Variants in UBE2G1 observed in about 807,000 individuals in gnomAD.
The protein encoded by UBE2G1 is ubiquitin-conjugating enzyme E2 G1.
UBE2G1 carries 5 observed loss-of-function variants against 22.7 expected under a neutral mutation model. The ratio of observed to expected loss-of-function variants is 0.22; its 90% CI spans 0.12 to 0.46. The LOEUF (loss-of-function observed/expected upper bound fraction) is 0.46, where lower values mean the gene tolerates loss of function less well. Ranked by LOEUF, UBE2G1 falls within the 20% of genes least tolerant of loss-of-function variation. The probability of loss-of-function intolerance (pLI) is 0.99; values close to 1 mark genes in which losing one functional copy is unlikely to be tolerated. For missense variants in UBE2G1, 88 were observed against 203.9 expected, an observed-to-expected ratio of 0.43 and a Z score of 3.46; for synonymous variants, 74 against 67.5, an observed-to-expected ratio of 1.10 and a Z score of -0.47.
At chr17:4,349,513 A>T (rs78997895) in intron 1 of UBE2G1, among the ~76,000 whole-genome samples, 1 of 496 alleles carries the variant, frequency 2.0e-3, no homozygotes, top group African/African-American at 0.017. Context: ...CATTGTTTTT[A>T]AAAAAAAAAC....
chr17:4,273,151 T>C (rs145740849), intron 5 of UBE2G1, among the ~76,000 whole-genome samples: 10 of 152,164 alleles, frequency 6.6e-5, no homozygotes, highest in African/African-American at 2.4e-4. Context: ...CAAGAACACA[T>C]CTACATAAAA....
At chr17:4,290,868 G>A (rs758402263) in intron 3 of UBE2G1, among the ~76,000 whole-genome samples, 1 of 149,930 alleles carries the variant, frequency 6.7e-6, no homozygotes, top group Non-Finnish European at 1.5e-5. Context: ...CAGCCCCTGC[G>A]CTGGCCGACA....
chr17:4,293,963 T>C (rs1969073404), intron 3 of UBE2G1, among the ~76,000 whole-genome samples: 1 of 152,242 alleles, frequency 6.6e-6, no homozygotes, highest in Admixed American at 6.5e-5. Flanking sequence ...GTGTAATCTT[T>C]CAAGAAGGAA....
At chr17:4,283,013 G>A (rs111259184) in intron 4 of UBE2G1, 92 bp from the exon 5 acceptor site, 1 of 1,098,944 alleles carries the variant, frequency 9.1e-7, no homozygotes. Context: ...TAATCCCTTG[G>A]TGATTTGTAC....
Position 4,271,805 on chromosome 17 carries a change from C to A in UBE2G1, c.*749G>T, listed in dbSNP as rs111270473. On this transcript the variant is annotated 3_prime_UTR_variant, in exon 6 of 6. Coordinates refer to ENST00000396981, the MANE Select transcript of UBE2G1 (RefSeq NM_003342.5). ...GGTAATGACTGGGATCAAGAGCTCACAACGGCCAATAAATGTTATTGCTAT... is the reference window on the plus strand; with the variant it reads ...GGTAATGACTGGGATCAAGAGCTCAAAACGGCCAATAAATGTTATTGCTAT... 1 of 151,464 alleles carries A rather than the reference C, an allele frequency of 6.6e-6. No individual in the cohort carries two copies. The highest frequency in any genetic ancestry group is 1.5e-5 in the Non-Finnish European group (1 of 67,856). 9.4% of individuals were successfully genotyped at this position (151,464 alleles called of 1,614,324 possible).
chr17:4,350,946 TGG>T, intron 1 of UBE2G1, among the ~76,000 whole-genome samples: 1 of 150,048 alleles, frequency 6.7e-6, no homozygotes, highest in Non-Finnish European at 1.5e-5. Context: ...GGCAGGAGAA[TGG>T]CGTGAACTCG....
At chr17:4,323,118 TA>T (rs1462712692) in intron 1 of UBE2G1, among the ~76,000 whole-genome samples, 1 of 152,152 alleles carries the variant, frequency 6.6e-6, no homozygotes, top group Non-Finnish European at 1.5e-5. Context: ...AAAGGAGAAA[TA>T]TTGGAAAGCA....
rs1968768490 is a variant in UBE2G1 at position 4,272,190 on chromosome 17, T to G, written c.*364A>C. 6.6e-6 allele frequency: 1 copy of G among 152,662 alleles called. No homozygotes were observed. The highest frequency in any genetic ancestry group is 2.4e-5 in the African/African-American group (1 of 41,456). The allele number at this position is 152,662 out of a possible 1,614,324, so 9.5% of individuals were successfully genotyped here. A position where few individuals can be genotyped will look rare whatever the true frequency, so the allele number is the denominator to read the frequency against. ...AAAACCTGCTAAAATCTCTTAGAAT[T>G]TACACGATTCTTATTCTACTACAAG... On this transcript the variant is annotated 3_prime_UTR_variant, in exon 6 of 6. Coordinates refer to ENST00000396981, the MANE Select transcript of UBE2G1 (RefSeq NM_003342.5).
chr17:4,285,815 G>A (rs1968956523), intron 4 of UBE2G1, among the ~76,000 whole-genome samples: 1 of 152,142 alleles, frequency 6.6e-6, no homozygotes, highest in Non-Finnish European at 1.5e-5. Flanking sequence ...GCTGGGCATG[G>A]TGGCACGCAC....
At chr17:4,351,530 CAG>C (rs983805860) in intron 1 of UBE2G1, among the ~76,000 whole-genome samples, 1 of 152,102 alleles carries the variant, frequency 6.6e-6, no homozygotes, top group African/African-American at 2.4e-5. Flanking sequence ...TAGAAATAAC[CAG>C]AGAAGATAGC....
chr17:4,350,549 T>C (rs1191072044), intron 1 of UBE2G1, among the ~76,000 whole-genome samples: 1 of 152,064 alleles, frequency 6.6e-6, no homozygotes, highest in Non-Finnish European at 1.5e-5. Context: ...TCAGAGAACA[T>C]CTGGCTCTGA....
At chr17:4,329,332 G>A (rs1458242303) in intron 1 of UBE2G1, among the ~76,000 whole-genome samples, 1 of 151,828 alleles carries the variant, frequency 6.6e-6, no homozygotes, top group Non-Finnish European at 1.5e-5. Flanking sequence ...CTGGGAGGCG[G>A]AGGTTGCAGT....
At chr17:4,330,858 T>C (rs1180334748) in intron 1 of UBE2G1, among the ~76,000 whole-genome samples, 1 of 151,744 alleles carries the variant, frequency 6.6e-6, no homozygotes, top group East Asian at 1.9e-4. Context: ...CCTCCCAAAG[T>C]GCTGGGATTA....
Position 4,322,277 on chromosome 17 carries a change from G to A in UBE2G1, c.47-15154C>T, listed in dbSNP as rs572008048. Among the ~76,000 whole-genome samples the A allele has an allele frequency of 2.2e-4, 34 of 152,292 alleles. 1 individual carries two copies. The highest frequency in any genetic ancestry group is 7.9e-4 in the African/African-American group (33 of 41,558). ...ATAATGTAAGCAGCAGACCATGCCAGGTCCAATCCAAGATTTCTTCCAAAG... is the reference window on the plus strand; with the variant it reads ...ATAATGTAAGCAGCAGACCATGCCAAGTCCAATCCAAGATTTCTTCCAAAG... On this transcript the variant is annotated intron_variant, in intron 1 of 5. Coordinates refer to ENST00000396981, the MANE Select transcript of UBE2G1 (RefSeq NM_003342.5).
At chr17:4,344,752 A>G (rs1326728928) in intron 1 of UBE2G1, among the ~76,000 whole-genome samples, 1 of 151,854 alleles carries the variant, frequency 6.6e-6, no homozygotes, top group Non-Finnish European at 1.5e-5. Flanking sequence ...TCCTAGCTAC[A>G]TGGGAGGCTG....
chr17:4,302,301 G>A (rs1969192760), intron 2 of UBE2G1: 1 of 472,748 alleles, frequency 2.1e-6, no homozygotes, highest in Non-Finnish European at 4.3e-6. Context: ...CAGCATCTGG[G>A]TTCTGCGTGT....
intron 2 of UBE2G1, among the ~76,000 whole-genome samples, chr17:4,304,014 T>C (rs1033545956): frequency 6.6e-6 from 1 of 152,194 alleles, no homozygotes; most frequent in African/African-American, 2.4e-5. Flanking sequence ...CCAGGTTTCT[T>C]AGACTTTCTG....
intron 1 of UBE2G1, among the ~76,000 whole-genome samples, chr17:4,356,549 A>T (rs1021765593): frequency 4.6e-5 from 7 of 152,020 alleles, no homozygotes; most frequent in African/African-American, 7.2e-5. Context: ...CAACCACACA[A>T]GTTTAAATGA....
chr17:4,346,995 A>G (rs563794809), intron 1 of UBE2G1, among the ~76,000 whole-genome samples: 183 of 151,972 alleles, frequency 1.2e-3, no homozygotes, highest in African/African-American at 4.3e-3. Context: ...TCTACTAAAA[A>G]TACAAAAATT....
Sources: gnomAD v4.1 joint callset for allele counts (sites outside exome capture counted in the v4.1 genomes callset) on GRCh38, gnomAD v4.1.1 for gene constraint, MANE v1.5 for transcripts, NCBI Gene and HGNC (gene_info 2026-07-23, HGNC 2026-07-21) for gene names.